RGMB: variants seen among roughly 807,000 people sequenced by gnomAD.
RGMB encodes the protein repulsive guidance molecule B.
RGMB carries 16 observed loss-of-function variants against 26.9 expected under a neutral mutation model. That is an observed-to-expected ratio of 0.60 (90% CI 0.40 to 0.90). The LOEUF is 0.90. Ranked by LOEUF, RGMB falls within the 40% of genes least tolerant of loss-of-function variation. The pLI is 0.00. For missense variants in RGMB, 512 were observed against 573.3 expected, an observed-to-expected ratio of 0.89 and a Z score of 1.09; for synonymous variants, 225 against 229.3, an observed-to-expected ratio of 0.98 and a Z score of 0.17.
rs1747118302 is a variant in RGMB at position 98,796,302 on chromosome 5, AC to A, written c.*2550del. 1 of 136,988 alleles carries A rather than the reference AC, an allele frequency of 7.3e-6. No homozygotes were observed. The highest frequency in any genetic ancestry group is 1.6e-5 in the Non-Finnish European group (1 of 62,890). The allele number at this position is 136,988 out of a possible 1,614,324, so 8.5% of individuals were successfully genotyped here. ...CATGGCTGTCTTTAAAAGACTCAAA[AC>A]TTTTTTTTGTCCTCTTTGTTATGCT... On this transcript the variant is annotated 3_prime_UTR_variant, in exon 3 of 3. Transcript: ENST00000513185.
chr5:98,784,308 C>A (rs920332657), intron 2 of RGMB, among the ~76,000 whole-genome samples: 1 of 152,190 alleles, frequency 6.6e-6, no homozygotes, highest in African/African-American at 2.4e-5. Flanking sequence ...TCCATACTTA[C>A]CCCTGAATTT....
chr5:98,770,704 C>G, upstream of RGMB: 1 of 1,363,552 alleles, frequency 7.3e-7, no homozygotes, highest in Non-Finnish European at 9.7e-7. Context: ...TCTCAAGTCG[C>G]CCGCTTGGCC....
At chr5:98,777,474 C>T (rs536410082) in intron 1 of RGMB, among the ~76,000 whole-genome samples, 1 of 152,140 alleles carries the variant, frequency 6.6e-6, no homozygotes, top group East Asian at 1.9e-4. Context: ...ACTGTCATTG[C>T]AGTTAGGAAA....
Position 98,794,811 on chromosome 5 carries a change from A to C in RGMB, c.*1058A>C, listed in dbSNP as rs1182171684. On this transcript the variant is annotated 3_prime_UTR_variant, in exon 3 of 3. Transcript: ENST00000513185. ...AATGTAGAGGCCCAGATCCCATCAC[A>C]AAGTTTTTCATTCTTCCTTGTCCAC... The C allele has an allele frequency of 6.6e-6, 1 of 152,184 alleles. No individual in the cohort carries two copies. The highest frequency in any genetic ancestry group is 1.5e-5 in the Non-Finnish European group (1 of 68,052). The allele number at this position is 152,184 out of a possible 1,614,324, so 9.4% of individuals were successfully genotyped here.
At position 98,793,713 on chromosome 5, in the gene RGMB, G is replaced by A; in HGVS notation, c.1274G>A (p.Ser425Asn). 1 of 1,605,446 alleles carries A rather than the reference G, an allele frequency of 6.2e-7. No individual in the cohort carries two copies. The highest frequency in any genetic ancestry group is 8.5e-7 in the Non-Finnish European group (1 of 1,175,682). Residue 425 changes from serine (S) to asparagine (N), a missense_variant, in exon 3 of 3, where the codon AGT becomes AAT. Ser to Asn is a conservative substitution (Grantham distance 46, BLOSUM62 1). Transcript: ENST00000513185. The part of the protein sequence containing the change: ...TPRGGSDLSV[S>N]LGLTCLILIV... Reference sequence around the variant, plus strand: ...CGTGGAGGCAGTGATTTGTCTGTCAGTCTAGGACTCACCTGCTTGATCCTT... The same window carrying A: ...CGTGGAGGCAGTGATTTGTCTGTCAATCTAGGACTCACCTGCTTGATCCTT...
Sources: allele counts gnomAD v4.1 joint callset (sites outside exome capture counted in the v4.1 genomes callset), GRCh38; gene constraint gnomAD v4.1.1; transcripts MANE v1.5; gene names NCBI Gene and HGNC (gene_info 2026-07-23, HGNC 2026-07-21).